Variants in ATP8A1 observed in about 807,000 individuals in gnomAD.
ATP8A1 encodes the protein ATPase phospholipid transporting 8A1, also known as phospholipid-transporting ATPase IA.
A neutral mutation model predicts 177.7 loss-of-function variants in ATP8A1; 90 were observed. The observed-to-expected ratio is 0.51, with a 90% CI of 0.43 to 0.60. The LOEUF (loss-of-function observed/expected upper bound fraction) is 0.60, where lower values mean the gene tolerates loss of function less well. Ranked by LOEUF, ATP8A1 falls within the 20% of genes least tolerant of loss-of-function variation. ATP8A1 has a pLI of 0.00. For missense variants in ATP8A1, 1,072 were observed against 1,392.8 expected (o/e 0.77, Z 3.67); for synonymous variants, 493 against 485.9 (o/e 1.01, Z -0.19).
At chr4:42,622,404 A>C (rs1028522507) in intron 4 of ATP8A1, among the ~76,000 whole-genome samples, 1 of 151,950 alleles carries the variant, frequency 6.6e-6, no homozygotes, top group African/African-American at 2.4e-5. Flanking sequence ...AACAAACACA[A>C]AAAAAGACTT....
intron 25 of ATP8A1, among the ~76,000 whole-genome samples, chr4:42,475,533 G>C (rs192879518): frequency 3.3e-5 from 5 of 149,518 alleles, no homozygotes; most frequent in African/African-American, 1.2e-4. Context: ...AGGCCATAAC[G>C]GTCAGAGAGA....
chr4:42,416,203 T>TG (rs1186261080), intron 35 of ATP8A1, among the ~76,000 whole-genome samples: 2 of 152,226 alleles, frequency 1.3e-5, no homozygotes, highest in Non-Finnish European at 2.9e-5. Flanking sequence ...GTAACTGCTT[T>TG]GAGGAAGTCG....
At chr4:42,430,194 C>T (rs1715114712) in intron 33 of ATP8A1, among the ~76,000 whole-genome samples, 1 of 152,064 alleles carries the variant, frequency 6.6e-6, no homozygotes, top group Non-Finnish European at 1.5e-5. Context: ...CTCCCCACCC[C>T]AAATCCAGAA....
intron 35 of ATP8A1, among the ~76,000 whole-genome samples, chr4:42,419,429 T>A (rs563711401): frequency 1.6e-4 from 24 of 152,016 alleles, no homozygotes; most frequent in Non-Finnish European, 2.9e-4. Flanking sequence ...CCTATAGAAG[T>A]TTATACAGAG....
At chr4:42,626,469 A>G (rs1340933187) in intron 2 of ATP8A1, 1 of 152,728 alleles carries the variant, frequency 6.5e-6, no homozygotes, top group East Asian at 1.9e-4. Context: ...CAGAAGCCGC[A>G]TAAGTGGCCA....
chr4:42,569,269 A>T, intron 14 of ATP8A1, 64 bp from the exon 15 acceptor site: 1 of 1,318,644 alleles, frequency 7.6e-7, no homozygotes, highest in East Asian at 2.5e-5. Context: ...CTGGAAACAT[A>T]AAACCACGAA....
At chr4:42,481,321 C>A (rs1721645828) in intron 25 of ATP8A1, among the ~76,000 whole-genome samples, 1 of 152,142 alleles carries the variant, frequency 6.6e-6, no homozygotes, top group Non-Finnish European at 1.5e-5. Context: ...AGGAAGGGGG[C>A]ATGTGTGTAT....
chr4:42,433,497 C>T (rs1715541086), intron 33 of ATP8A1, among the ~76,000 whole-genome samples: 1 of 152,176 alleles, frequency 6.6e-6, no homozygotes, highest in African/African-American at 2.4e-5. Context: ...TGGTTACTTT[C>T]TCCACGAAAC....
chr4:42,524,767 T>A lies in ATP8A1; in HGVS notation c.1803A>T (p.Thr601=), dbSNP rs1014481355. The A allele has an allele frequency of 1.2e-6, 2 of 1,600,058 alleles. No individual in the cohort carries two copies. Among genetic ancestry groups the A allele is most frequent in the Non-Finnish European group, 1.7e-6 (2 of 1,171,398 alleles). The change falls in exon 21 of 37, where the codon ACA becomes ACT. Residue 601 remains threonine, a synonymous_variant. Coordinates refer to ENST00000381668, the MANE Select transcript of ATP8A1 (RefSeq NM_006095.2). ...ITLKHLEQFA[T]EGLRTLCFAV... Reference sequence around the variant, plus strand: ...TTATTGCCAAATTACACTTACCTTCTGTAGCAAACTGCTCTAAATGTTTTA... The same window carrying A: ...TTATTGCCAAATTACACTTACCTTCAGTAGCAAACTGCTCTAAATGTTTTA...
At position 42,410,227 on chromosome 4, in the gene ATP8A1, C is replaced by T. The variant is rs1186117301; in HGVS notation, c.*2689G>A. 2.6e-5 allele frequency: 4 copies of T among 152,118 alleles called. No homozygotes were observed. The highest frequency in any genetic ancestry group is 4.4e-5 in the Non-Finnish European group (3 of 67,998). The allele number at this position is 152,118 out of a possible 1,614,324, so 9.4% of individuals were successfully genotyped here. On this transcript the variant is annotated 3_prime_UTR_variant, in exon 37 of 37. Transcript: ENST00000381668. Reference sequence around the variant, plus strand: ...TTTAGAAAGTCCATGCTCAATACCACTGTATACTATTCAACATTAAAGAAG... The same window carrying T: ...TTTAGAAAGTCCATGCTCAATACCATTGTATACTATTCAACATTAAAGAAG...
intron 27 of ATP8A1, among the ~76,000 whole-genome samples, chr4:42,462,418 C>A (rs1719271867): frequency 6.6e-6 from 1 of 152,262 alleles, no homozygotes; most frequent in Non-Finnish European, 1.5e-5. Context: ...AAGGGGCCAA[C>A]ATAGAGTTCG....
chr4:42,604,290 C>T (rs187443891), intron 5 of ATP8A1, among the ~76,000 whole-genome samples: 1 of 152,306 alleles, frequency 6.6e-6, no homozygotes, highest in East Asian at 1.9e-4. Context: ...CTTATCACAG[C>T]ATCACAGTTT....
intron 20 of ATP8A1, among the ~76,000 whole-genome samples, chr4:42,536,193 G>A (rs1054038553): frequency 1.3e-5 from 2 of 152,090 alleles, no homozygotes; most frequent in Non-Finnish European, 2.9e-5. Flanking sequence ...AAATAACATC[G>A]ATAGACCATT....
intron 5 of ATP8A1, among the ~76,000 whole-genome samples, chr4:42,601,228 A>G (rs1329032101): frequency 2.6e-5 from 4 of 151,682 alleles, no homozygotes; most frequent in Non-Finnish European, 2.9e-5. Flanking sequence ...TAGAGACAGC[A>G]TTTCATCATG....
At chr4:42,435,798 T>C (rs567102269) in intron 33 of ATP8A1, among the ~76,000 whole-genome samples, 162 of 152,350 alleles carry the variant, frequency 1.1e-3, no homozygotes, top group African/African-American at 3.8e-3. Flanking sequence ...CATGTGAGTT[T>C]CAGCTTAACC....
chr4:42,579,892 G>T lies in ATP8A1; in HGVS notation c.921C>A (p.Ala307=), dbSNP rs146268187. The stretch of plus-strand genomic sequence containing the variant: ...AGCCCACAGAACAGACAAGAGACAT[G>T]GCAATTAAGATACAAAATAAAATCA... ...QILILFCILI[A]MSLVCSVGSA... is the part of the protein sequence containing the mutation. The change falls in exon 11 of 37, where the codon GCC becomes GCA. Residue 307 remains alanine (A), a synonymous_variant. Transcript: ENST00000381668. The T allele has an allele frequency of 2.2e-5, 36 of 1,613,382 alleles. No homozygotes were observed. The African/African-American group carries it at 4.4e-4, about 20-fold the overall frequency.
intron 20 of ATP8A1, among the ~76,000 whole-genome samples, chr4:42,540,141 T>G (rs1421844089): frequency 6.6e-6 from 1 of 151,948 alleles, no homozygotes; most frequent in Admixed American, 6.6e-5. Context: ...TAAGCATTTC[T>G]CAAAAGAAGA....
intron 20 of ATP8A1, among the ~76,000 whole-genome samples, chr4:42,526,962 T>G (rs935237507): frequency 6.6e-6 from 1 of 151,162 alleles, no homozygotes. Context: ...GCATTTGACA[T>G]TCCTGATTCT....
At chr4:42,546,270 T>C (rs1440844889) in intron 19 of ATP8A1, among the ~76,000 whole-genome samples, 4 of 152,120 alleles carry the variant, frequency 2.6e-5, no homozygotes, top group Admixed American at 2.6e-4. Context: ...GATGAGTTCA[T>C]GTCCTTTGTA....
Sources: allele counts gnomAD v4.1 joint callset (sites outside exome capture counted in the v4.1 genomes callset), GRCh38; gene constraint gnomAD v4.1.1; transcripts MANE v1.5; gene names NCBI Gene and HGNC (gene_info 2026-07-23, HGNC 2026-07-21).